The following WDR46 variants were observed in gnomAD, a reference collection of about 807,000 sequenced individuals.
WDR46 encodes the protein WD repeat-containing protein 46.
Under a neutral mutation model 74.7 loss-of-function variants are expected in WDR46, and 58 were observed. The observed-to-expected ratio is 0.78, with a 90% CI of 0.63 to 0.97. The LOEUF (loss-of-function observed/expected upper bound fraction) is 0.97. Among genes scored for constraint, WDR46 ranks in the 50% least tolerant of loss-of-function variants. The pLI is 0.00. For synonymous variants in WDR46, 278 were observed against 297.3 expected (o/e 0.93, Z 0.67); for missense variants, 702 against 790.1 (o/e 0.89, Z 1.34).
intron 5 of WDR46, 58 bp downstream of exon 5, chr6:33,288,090 C>A (rs1331075853): frequency 6.2e-7 from 1 of 1,613,878 alleles, no homozygotes; most frequent in Non-Finnish European, 8.5e-7. Context: ...AGCCCCCATT[C>A]CTCTATTGTC....
Position 33,286,801 on chromosome 6 carries a change from G to A in WDR46, c.1109C>T (p.Thr370Ile), listed in dbSNP as rs766107609. ...GGVRAVAVDS[T>I]GTYMATSGLD... The stretch of plus-strand genomic sequence containing the variant: ...CACCCCACCAGTGACTTACGTGCCT[G>A]TAGAATCTACTGCCACAGCCCGGAC... The change falls in exon 10 of 15, where the codon ACA becomes ATA. Residue 370 changes from threonine (T) to isoleucine (I), a missense_variant. By Grantham distance (89) the Thr-to-Ile change is moderately conservative. Transcript: ENST00000374617. The A allele has an allele frequency of 9.3e-6, 15 of 1,613,884 alleles. No individual in the cohort carries two copies. The African/African-American group carries it at 1.1e-4, about 11-fold the overall frequency.
Position 33,287,991 on chromosome 6 carries a change from G to C in WDR46, c.597C>G (p.Tyr199Ter), listed in dbSNP as rs527353058. ...FDLNLRQFGPYRLNYSRTGRH... is the reference protein window; with the variant it reads ...FDLNLRQFGP The stretch of plus-strand genomic sequence containing the variant: ...TTCCAGTTCGAGAGTAGTTTAGTCT[G>C]TAGGGTCCAAACTGCCGCAGATTCA... Residue 199 changes from tyrosine (Y) to a stop codon, truncating the protein, a stop_gained, in exon 6 of 15, where the codon TAC (tyrosine) becomes TAG (stop). Transcript: ENST00000374617. LOFTEE classifies it high-confidence loss of function. 2.2e-5 allele frequency: 36 copies of C among 1,614,066 alleles called. No homozygotes were observed. Among genetic ancestry groups the C allele is most frequent in the Non-Finnish European group, 3.0e-5 (35 of 1,180,052 alleles).
intron 10 of WDR46, chr6:33,284,516 C>T (rs1048085868): frequency 1.3e-5 from 2 of 153,796 alleles, no homozygotes; most frequent in African/African-American, 4.8e-5. Flanking sequence ...ATCAGCCAGA[C>T]CTGGAGAGAA....
At chr6:33,287,047 A>T (rs1284277381) in intron 9 of WDR46, 44 bp downstream of exon 9, 1 of 1,596,834 alleles carries the variant, frequency 6.3e-7, no homozygotes, top group African/African-American at 1.4e-5. Flanking sequence ...ATAGAAGAAA[A>T]GCAAGTCAGG....
intron 10 of WDR46, among the ~76,000 whole-genome samples, chr6:33,283,073 G>A (rs932566162): frequency 1.3e-5 from 2 of 152,190 alleles, no homozygotes; most frequent in African/African-American, 4.8e-5. Flanking sequence ...GCCGGGTGTG[G>A]TGGCACACAC....
intron 8 of WDR46, 31 bp from the exon 9 acceptor site, chr6:33,287,257 G>C: frequency 6.2e-7 from 1 of 1,613,206 alleles, no homozygotes; most frequent in Non-Finnish European, 8.5e-7. Flanking sequence ...GAATGACCCA[G>C]TCCTGATTGC....
In WDR46 at chr6:33,287,703, T is replaced by C; in HGVS notation, c.639A>G (p.Gly213=). The C allele has an allele frequency of 6.2e-7, 1 of 1,613,578 alleles. No individual in the cohort carries two copies. Among genetic ancestry groups the C allele is most frequent in the African/African-American group, 1.3e-5 (1 of 74,860 alleles). ...GGGCAGCCACATGACCTCGGCGCCC[T>C]CCAAAAGCCAGGTGTCTGTTGGAGG... ...YSRTGRHLAF[G]GRRGHVAALD... is the part of the protein sequence containing the mutation. The change falls in exon 7 of 15, where the codon GGA becomes GGG. Residue 213 remains glycine (G), a synonymous_variant. Coordinates refer to ENST00000374617, the MANE Select transcript of WDR46 (RefSeq NM_005452.6).
In WDR46 at chr6:33,280,671, C is replaced by T. The variant is rs1353481934; in HGVS notation, c.1429+3G>A. 6.3e-7 allele frequency: 1 copy of T among 1,582,492 alleles called. No individual in the cohort carries two copies. The highest frequency in any genetic ancestry group is 2.2e-5 in the East Asian group (1 of 44,520). On this transcript the variant is annotated splice_donor_region_variant and intron_variant, in intron 11 of 14. Transcript: ENST00000374617. ...TTCAAGCCCCATCCCCTGGCCCACTCACCAGGGACCAGCATGCTGGTGATG... is the reference window on the plus strand; with the variant it reads ...TTCAAGCCCCATCCCCTGGCCCACTTACCAGGGACCAGCATGCTGGTGATG...
At chr6:33,287,553 A>C in intron 7 of WDR46, 48 bp from the exon 8 acceptor site, 1 of 1,613,776 alleles carries the variant, frequency 6.2e-7, no homozygotes, top group Non-Finnish European at 8.5e-7. Context: ...GTCACAGGCT[A>C]TCATTCAATC....
intron 10 of WDR46, among the ~76,000 whole-genome samples, chr6:33,284,194 G>A (rs549281794): frequency 6.6e-6 from 1 of 151,142 alleles, no homozygotes; most frequent in African/African-American, 2.4e-5. Context: ...AGGTTGTGGT[G>A]AGCTGAGATT....
chr6:33,282,326 T>TTCC (rs1766257498), intron 10 of WDR46, among the ~76,000 whole-genome samples: 1 of 151,368 alleles, frequency 6.6e-6, no homozygotes, highest in African/African-American at 2.5e-5. Flanking sequence ...ATCAGCGCCC[T>TTCC]GACTTTACCA....
chr6:33,280,718 A>G lies in WDR46; in HGVS notation c.1385T>C (p.Leu462Pro). The G allele has an allele frequency of 2.5e-6, 4 of 1,598,818 alleles. No individual in the cohort carries two copies. The highest frequency in any genetic ancestry group is 2.6e-6 in the Non-Finnish European group (3 of 1,170,318). The change falls in exon 11 of 15, where the codon CTG (leucine) becomes CCG (proline). Residue 462 changes from leucine (L) to proline (P), a missense_variant. Coordinates refer to ENST00000374617, the MANE Select transcript of WDR46 (RefSeq NM_005452.6). Reference sequence around the variant, plus strand: ...GATGCCCCCAGTGTGCCCCACCCCCAGCACATCTTCAAAGGGGCAGAACTG... The same window carrying G: ...GATGCCCCCAGTGTGCCCCACCCCCGGCACATCTTCAAAGGGGCAGAACTG... Reference protein sequence around the residue: ...GLQFCPFEDVLGVGHTGGITS... With the variant: ...GLQFCPFEDVPGVGHTGGITS...
At position 33,288,209 on chromosome 6, in the gene WDR46, T is replaced by C. The variant is rs1399840201; in HGVS notation, c.500A>G (p.Asp167Gly). 2 of 1,614,128 alleles carry C rather than the reference T, an allele frequency of 1.2e-6. No homozygotes were observed. Among genetic ancestry groups the C allele is most frequent in the East Asian group, 2.2e-5 (1 of 44,900 alleles). The stretch of plus-strand genomic sequence containing the variant: ...GTCAGCCTGGCATATCTTTGCTGTG[T>C]CTTCCCCATCCTCCCCTTCCAGAAA... ...PGFLEGEDGEDTAKICQADIV... is the reference protein window; with the variant it reads ...PGFLEGEDGEGTAKICQADIV... The change falls in exon 5 of 15, where the codon GAC becomes GGC. Residue 167 changes from aspartate (D) to glycine (G), a missense_variant. Coordinates refer to ENST00000374617, the MANE Select transcript of WDR46 (RefSeq NM_005452.6).
In WDR46 at chr6:33,279,178, G is replaced by A; in HGVS notation, c.*98C>T. ...CAGCTGTCCACCCCCAGTTGGGGAA[G>A]GGGCCACACTGCCCCCACCTCCTTG... On this transcript the variant is annotated 3_prime_UTR_variant, in exon 15 of 15. Transcript: ENST00000374617. 6.5e-7 allele frequency: 1 copy of A among 1,528,948 alleles called. No individual in the cohort carries two copies. Among genetic ancestry groups the A allele is most frequent in the South Asian group, 1.2e-5 (1 of 82,652 alleles). 94.7% of individuals were successfully genotyped at this position (1,528,948 alleles called of 1,614,324 possible). A position where few individuals can be genotyped will look rare whatever the true frequency, so the allele number is the denominator to read the frequency against.
At chr6:33,286,719 G>T in intron 10 of WDR46, 76 bp downstream of exon 10, 2 of 1,401,724 alleles carry the variant, frequency 1.4e-6, no homozygotes, top group Non-Finnish European at 2.0e-6. Context: ...TAGACTCTGT[G>T]CTCCTAAAGC....
At chr6:33,286,652 A>G (rs1461865878) in intron 10 of WDR46, 143 bp downstream of exon 10, 3 of 758,780 alleles carry the variant, frequency 4.0e-6, no homozygotes, top group Middle Eastern at 3.7e-4. Flanking sequence ...AAATATGCCT[A>G]TACTTGCAAG....
intron 10 of WDR46, among the ~76,000 whole-genome samples, chr6:33,281,581 T>C (rs940823341): frequency 1.3e-5 from 2 of 152,100 alleles, no homozygotes; most frequent in African/African-American, 2.4e-5. Context: ...GAGCAGACAA[T>C]TTGTGAGGTT....
At chr6:33,286,991 A>G in intron 9 of WDR46, 97 bp from the exon 10 acceptor site, 2 of 1,584,922 alleles carry the variant, frequency 1.3e-6, no homozygotes, top group Non-Finnish European at 1.7e-6. Context: ...AGATAACAAA[A>G]AAGGGAAATA....
Position 33,279,348 on chromosome 6 carries a change from C to T in WDR46, c.1761G>A (p.Gln587=), listed in dbSNP as rs1481046257. ...TGGCCTTCGCCTCCTTATGATGCTGCTGCTGAAGGCTCTGCCGGACCTTGT... is the reference window on the plus strand; with the variant it reads ...TGGCCTTCGCCTCCTTATGATGCTGTTGCTGAAGGCTCTGCCGGACCTTGT... ...HRDKVRQSLQ[Q]QHHKEAKAKP... Residue 587 remains glutamine (Q), a synonymous_variant, in exon 15 of 15, where the codon CAG becomes CAA. Coordinates refer to ENST00000374617, the MANE Select transcript of WDR46 (RefSeq NM_005452.6). 2.5e-6 allele frequency: 4 copies of T among 1,614,188 alleles called. No homozygotes were observed. The South Asian group carries it at 3.3e-5, about 13-fold the overall frequency.
Sources: gnomAD v4.1 joint callset for allele counts (sites outside exome capture counted in the v4.1 genomes callset) on GRCh38, gnomAD v4.1.1 for gene constraint, MANE v1.5 for transcripts, NCBI Gene and HGNC (gene_info 2026-07-23, HGNC 2026-07-21) for gene names.